Variants in CDYL2 observed in about 807,000 individuals in gnomAD.
The protein encoded by CDYL2 is chromodomain Y-like protein 2.
A neutral mutation model predicts 49.4 loss-of-function variants in CDYL2; 23 were observed. That is an observed-to-expected ratio of 0.47 (90% confidence interval 0.34 to 0.66). The LOEUF (loss-of-function observed/expected upper bound fraction) is 0.66, where lower values mean the gene tolerates loss of function less well. Ranked by LOEUF, CDYL2 falls within the 30% of genes least tolerant of loss-of-function variation. The pLI is 0.01. For synonymous variants in CDYL2, 360 were observed against 268.8 expected, an observed-to-expected ratio of 1.34 and a Z score of -3.32; for missense variants, 678 against 656.4, an observed-to-expected ratio of 1.03 and a Z score of -0.36.
At chr16:80,756,709 C>T (rs1383916480) in intron 1 of CDYL2, among the ~76,000 whole-genome samples, 1 of 151,976 alleles carries the variant, frequency 6.6e-6, no homozygotes, top group Non-Finnish European at 1.5e-5. Context: ...ACACTAAAAC[C>T]ACAGTCCAGT....
chr16:80,685,245 G>T (rs932569064), intron 1 of CDYL2, 116 bp from the exon 2 acceptor site: 5 of 766,650 alleles, frequency 6.5e-6, no homozygotes, highest in Non-Finnish European at 1.1e-5. Context: ...CTAGCCAGGG[G>T]GTGAGCCACG....
At chr16:80,753,644 C>T (rs1382287537) in intron 1 of CDYL2, among the ~76,000 whole-genome samples, 1 of 152,042 alleles carries the variant, frequency 6.6e-6, no homozygotes, top group African/African-American at 2.4e-5. Flanking sequence ...AGATCCATCA[C>T]CTCTCTAAAC....
intron 2 of CDYL2, among the ~76,000 whole-genome samples, chr16:80,673,381 C>T (rs1474416592): frequency 6.6e-6 from 1 of 152,116 alleles, no homozygotes; most frequent in African/African-American, 2.4e-5. Flanking sequence ...AACTTCAACA[C>T]TTTCCAGTTA....
intron 5 of CDYL2, among the ~76,000 whole-genome samples, chr16:80,608,734 C>G (rs530481668): frequency 6.6e-5 from 10 of 152,078 alleles, no homozygotes; most frequent in Non-Finnish European, 1.5e-4. Flanking sequence ...CAAGGACCAT[C>G]CATGGCTGTG....
chr16:80,800,038 C>T (rs1398386419), intron 1 of CDYL2, among the ~76,000 whole-genome samples: 1 of 152,152 alleles, frequency 6.6e-6, no homozygotes. Context: ...TTTTTCCTAG[C>T]TTGTTTATAC....
At chr16:80,606,887 T>C (rs1597118796) in intron 6 of CDYL2, among the ~76,000 whole-genome samples, 1 of 152,216 alleles carries the variant, frequency 6.6e-6, no homozygotes, top group South Asian at 2.1e-4. Context: ...GACATGCCTT[T>C]GGCCTTCCGC....
intron 4 of CDYL2, among the ~76,000 whole-genome samples, chr16:80,619,422 T>C (rs1351484519): frequency 6.6e-6 from 1 of 152,228 alleles, no homozygotes; most frequent in Non-Finnish European, 1.5e-5. Context: ...CAGGTTTCCC[T>C]GGACTTCTGG....
At chr16:80,609,689 G>A (rs1295469097) in intron 5 of CDYL2, among the ~76,000 whole-genome samples, 3 of 152,112 alleles carry the variant, frequency 2.0e-5, no homozygotes, top group African/African-American at 7.2e-5. Flanking sequence ...GTTACAAGGC[G>A]AGGCCCCCAT....
chr16:80,627,872 G>C (rs1472545112), intron 3 of CDYL2: 1 of 152,154 alleles, frequency 6.6e-6, no homozygotes, highest in Non-Finnish European at 1.5e-5. Context: ...GCTGTCACTT[G>C]CACCTGCTAT....
At chr16:80,763,827 C>T (rs1268608898) in intron 1 of CDYL2, among the ~76,000 whole-genome samples, 1 of 152,100 alleles carries the variant, frequency 6.6e-6, no homozygotes, top group Non-Finnish European at 1.5e-5. Context: ...GTGGTGAAGA[C>T]AGATGAAAGT....
chr16:80,727,885 G>A (rs555100408), intron 1 of CDYL2, among the ~76,000 whole-genome samples: 1 of 152,098 alleles, frequency 6.6e-6, no homozygotes, highest in Non-Finnish European at 1.5e-5. Context: ...TGCAGCTGAG[G>A]GTCCTGTCTG....
intron 1 of CDYL2, among the ~76,000 whole-genome samples, chr16:80,698,623 T>C (rs1435863024): frequency 6.6e-6 from 1 of 152,114 alleles, no homozygotes; most frequent in African/African-American, 2.4e-5. Context: ...TAAACTGCCA[T>C]CCTCCCTTGG....
rs577390124 is a variant in CDYL2, at chr16:80,621,007, A to C, written c.835-72T>G. ...AAGCCTGGGGCTTTCAGACTGCAAG[A>C]CAGCCAGAGGCCTGACCCCCTGAGG... is the stretch of plus-strand genomic sequence containing the variant. On this transcript the variant is annotated intron_variant, in intron 3 of 6. Transcript: ENST00000570137. 20 of 1,444,764 alleles carry C rather than the reference A, an allele frequency of 1.4e-5. No individual in the cohort carries two copies. The South Asian group carries it at 2.9e-4, about 21-fold the overall frequency. The allele number at this position is 1,444,764 out of a possible 1,614,324, so 89.5% of individuals were successfully genotyped here. A position where few individuals can be genotyped will look rare whatever the true frequency, so the allele number is the denominator to read the frequency against.
intron 2 of CDYL2, among the ~76,000 whole-genome samples, chr16:80,667,163 G>C (rs1266663514): frequency 2.0e-5 from 3 of 152,136 alleles, no homozygotes; most frequent in Admixed American, 6.5e-5. Flanking sequence ...CTCACGTGAG[G>C]GCTCACAGCG....
At chr16:80,739,948 C>T (rs1355532592) in intron 1 of CDYL2, among the ~76,000 whole-genome samples, 2 of 152,146 alleles carry the variant, frequency 1.3e-5, no homozygotes, top group Non-Finnish European at 2.9e-5. Flanking sequence ...TACATTGATG[C>T]CCAGGATGAA....
intron 1 of CDYL2, among the ~76,000 whole-genome samples, chr16:80,794,789 T>G (rs574555053): frequency 1.5e-4 from 23 of 151,960 alleles, no homozygotes; most frequent in African/African-American, 5.5e-4. Context: ...AATTTTGTGT[T>G]TTTAGTAGAG....
chr16:80,737,311 G>C (rs1168340711), intron 1 of CDYL2, among the ~76,000 whole-genome samples: 8 of 152,136 alleles, frequency 5.3e-5, no homozygotes, highest in Admixed American at 5.2e-4. Context: ...TTAATGTGCT[G>C]CTCTGTGCTA....
At chr16:80,759,737 C>T (rs1906462820) in intron 1 of CDYL2, among the ~76,000 whole-genome samples, 1 of 152,146 alleles carries the variant, frequency 6.6e-6, no homozygotes, top group African/African-American at 2.4e-5. Context: ...AAAAAGTCAA[C>T]ACACGACTGC....
intron 1 of CDYL2, among the ~76,000 whole-genome samples, chr16:80,734,517 G>C: frequency 6.6e-6 from 1 of 152,158 alleles, no homozygotes; most frequent in East Asian, 1.9e-4. Context: ...CATCTAGGTG[G>C]AAAGCAACTG....
Sources: gnomAD v4.1 joint callset for allele counts (sites outside exome capture counted in the v4.1 genomes callset) on GRCh38, gnomAD v4.1.1 for gene constraint, MANE v1.5 for transcripts, NCBI Gene and HGNC (gene_info 2026-07-23, HGNC 2026-07-21) for gene names.